The following ROBO1 variants were observed in gnomAD, a reference collection of about 807,000 sequenced individuals.
The protein encoded by ROBO1 is roundabout guidance receptor 1, also known as roundabout homolog 1.
In ROBO1, 149 loss-of-function variants were observed where a neutral mutation model predicts 195.9. That is an observed-to-expected ratio of 0.76 (90% CI 0.67 to 0.87). The LOEUF is 0.87. Ranked by LOEUF, ROBO1 falls within the 40% of genes least tolerant of loss-of-function variation. The pLI is 0.00. For missense variants in ROBO1, 1,933 were observed against 2,068.3 expected (o/e 0.93, Z 1.27); for synonymous variants, 816 against 733.2 (o/e 1.11, Z -1.82).
intron 4 of ROBO1, among the ~76,000 whole-genome samples, chr3:78,807,450 A>G (rs551674054): frequency 3.9e-5 from 6 of 152,320 alleles, no homozygotes; most frequent in African/African-American, 1.4e-4. Flanking sequence ...CATAGGCAAA[A>G]GGAGTCTGTC....
intron 2 of ROBO1, among the ~76,000 whole-genome samples, chr3:79,298,908 A>G (rs1210003984): frequency 6.6e-6 from 1 of 152,120 alleles, no homozygotes; most frequent in Non-Finnish European, 1.5e-5. Flanking sequence ...TCACTGCCAA[A>G]ATGTCTGCAT....
At chr3:79,004,157 G>T (rs2077569086) in intron 3 of ROBO1, among the ~76,000 whole-genome samples, 1 of 152,072 alleles carries the variant, frequency 6.6e-6, no homozygotes, top group Non-Finnish European at 1.5e-5. Flanking sequence ...TCTGAATTTG[G>T]TGCTATACAA....
intron 3 of ROBO1, among the ~76,000 whole-genome samples, chr3:79,025,954 A>C (rs138048955): frequency 6.6e-6 from 1 of 152,288 alleles, no homozygotes; most frequent in African/African-American, 2.4e-5. Flanking sequence ...CTACCAGAAT[A>C]ATCAGCAATT....
At chr3:78,906,307 G>A (rs1381853172) in intron 4 of ROBO1, among the ~76,000 whole-genome samples, 4 of 152,010 alleles carry the variant, frequency 2.6e-5, no homozygotes, top group African/African-American at 9.7e-5. Context: ...CCTCATCTGT[G>A]AGCCACCTCA....
In ROBO1 at chr3:79,677,394, C is replaced by G. The variant is rs188500985; in HGVS notation, c.-50-87433G>C. On this transcript the variant is annotated intron_variant, in intron 1 of 30. Transcript: ENST00000464233. ...TCATAGTTTCACGTGGCTGGGGAAG[C>G]CTCACAATCATGGTGGAAGGCAAGG... Among the ~76,000 whole-genome samples, 3 of 151,950 alleles carry G rather than the reference C, an allele frequency of 2.0e-5. No individual in the cohort carries two copies. The East Asian group carries it at 5.9e-4, about 30-fold the overall frequency.
At chr3:79,064,013 T>C (rs1015815472) in intron 3 of ROBO1, among the ~76,000 whole-genome samples, 1 of 151,896 alleles carries the variant, frequency 6.6e-6, no homozygotes, top group Non-Finnish European at 1.5e-5. Context: ...GAGAAAATTC[T>C]GGTGTCTTAT....
intron 28 of ROBO1, among the ~76,000 whole-genome samples, chr3:78,611,711 G>A (rs914796777): frequency 6.6e-6 from 1 of 152,180 alleles, no homozygotes; most frequent in African/African-American, 2.4e-5. Flanking sequence ...CTAACCCCCA[G>A]TACCTCAGAA....
chr3:79,463,247 C>T (rs749808074), intron 2 of ROBO1, among the ~76,000 whole-genome samples: 8 of 151,880 alleles, frequency 5.3e-5, no homozygotes, highest in East Asian at 1.9e-4. Flanking sequence ...TGGTGGCGGG[C>T]GCCTGTAGTC....
At chr3:79,106,248 CAG>C (rs1247789224) in intron 3 of ROBO1, among the ~76,000 whole-genome samples, 1 of 151,650 alleles carries the variant, frequency 6.6e-6, no homozygotes, top group Non-Finnish European at 1.5e-5. Flanking sequence ...GCCTATAAAT[CAG>C]AGTTTTACCC....
At chr3:78,669,229 C>A (rs1707915384) in intron 11 of ROBO1, among the ~76,000 whole-genome samples, 1 of 152,224 alleles carries the variant, frequency 6.6e-6, no homozygotes, top group South Asian at 2.1e-4. Flanking sequence ...TCTACTTCTG[C>A]TCAAGCTAAT....
intron 1 of ROBO1, among the ~76,000 whole-genome samples, chr3:79,729,688 A>C (rs913761054): frequency 6.6e-6 from 1 of 152,148 alleles, no homozygotes; most frequent in African/African-American, 2.4e-5. Flanking sequence ...AACTATGTCA[A>C]GTTTTATTAT....
intron 1 of ROBO1, among the ~76,000 whole-genome samples, chr3:79,683,299 C>T (rs146607384): frequency 6.6e-6 from 1 of 151,960 alleles, no homozygotes; most frequent in Non-Finnish European, 1.5e-5. Context: ...AAGATGCCAA[C>T]ATAATAAGTA....
chr3:78,898,235 AT>A (rs1185807012), intron 4 of ROBO1, among the ~76,000 whole-genome samples: 2 of 150,494 alleles, frequency 1.3e-5, no homozygotes, highest in East Asian at 3.9e-4. Context: ...AATATAAAAA[AT>A]ATACTGATAG....
intron 4 of ROBO1, among the ~76,000 whole-genome samples, chr3:78,861,224 C>T (rs781582791): frequency 6.6e-6 from 1 of 152,150 alleles, no homozygotes. Context: ...ATAATGGCCT[C>T]ACCTTTCCCA....
chr3:79,515,643 T>G (rs2107557211), intron 2 of ROBO1, among the ~76,000 whole-genome samples: 1 of 152,332 alleles, frequency 6.6e-6, no homozygotes, highest in Admixed American at 6.5e-5. Flanking sequence ...ATATTCTCAG[T>G]GTTGTACAAT....
intron 2 of ROBO1, among the ~76,000 whole-genome samples, chr3:79,309,649 A>G (rs1355176423): frequency 6.6e-6 from 1 of 152,096 alleles, no homozygotes; most frequent in Non-Finnish European, 1.5e-5. Context: ...ATTAAGCACC[A>G]TGAATAAAGA....
At chr3:79,125,432 G>A in intron 3 of ROBO1, 24 bp downstream of exon 3, 1 of 1,594,536 alleles carries the variant, frequency 6.3e-7, no homozygotes, top group Non-Finnish European at 8.6e-7. Flanking sequence ...GAGGAAGTTA[G>A]TATTTGGGAA....
chr3:79,516,940 C>T (rs1205123241), intron 2 of ROBO1, among the ~76,000 whole-genome samples: 1 of 152,198 alleles, frequency 6.6e-6, no homozygotes, highest in Non-Finnish European at 1.5e-5. Flanking sequence ...CCCGTAAGCA[C>T]ATGAGAGTAG....
intron 1 of ROBO1, among the ~76,000 whole-genome samples, chr3:79,709,348 A>G (rs1702185410): frequency 6.6e-6 from 1 of 152,146 alleles, no homozygotes. Context: ...TGTAATTATT[A>G]TGTTTCAAAA....
Sources: gnomAD v4.1 joint callset for allele counts (sites outside exome capture counted in the v4.1 genomes callset) on GRCh38, gnomAD v4.1.1 for gene constraint, MANE v1.5 for transcripts, NCBI Gene and HGNC (gene_info 2026-07-23, HGNC 2026-07-21) for gene names.